The following FBXO42 variants were observed in gnomAD, a reference collection of about 807,000 sequenced individuals.
FBXO42 encodes F-box protein 42, also known as F-box only protein 42.
In FBXO42, 12 loss-of-function variants were observed where a neutral mutation model predicts 71.7. That is an observed-to-expected ratio of 0.17 (90% confidence interval 0.11 to 0.27). The LOEUF is 0.27. Among genes scored for constraint, FBXO42 ranks in the 10% least tolerant of loss-of-function variants. The pLI is 1.00. For missense variants in FBXO42, 707 were observed against 911.9 expected (o/e 0.78, Z 2.89); for synonymous variants, 325 against 327.5 (o/e 0.99, Z 0.08).
chr1:16,290,192 T>C (rs2082063536), intron 4 of FBXO42, among the ~76,000 whole-genome samples: 1 of 152,212 alleles, frequency 6.6e-6, no homozygotes, highest in Non-Finnish European at 1.5e-5. Context: ...GGAGCACTTC[T>C]ATCATTTTGA....
Position 16,347,267 on chromosome 1 carries a change from G to A in FBXO42, c.-18+4988C>T, listed in dbSNP as rs113884089. Among the ~76,000 whole-genome samples the A allele has an allele frequency of 3.9e-5, 6 of 152,126 alleles. 1 individual carries two copies. The highest frequency in any genetic ancestry group is 1.4e-4 in the African/African-American group (6 of 41,518). ...ACAGTAGCTCATGCCTGTAATCCTA[G>A]CACTTTGGGAGGCTGAGGCAGGTGG... On this transcript the variant is annotated intron_variant, in intron 1 of 9. Coordinates refer to ENST00000375592, the MANE Select transcript of FBXO42 (RefSeq NM_018994.3).
At chr1:16,309,057 CTTTTTTTTTTTT>C (rs58594138) in intron 2 of FBXO42, among the ~76,000 whole-genome samples, 1 of 38,748 alleles carries the variant, frequency 2.6e-5, no homozygotes, top group South Asian at 1.5e-3. Flanking sequence ...GACCCCATCT[CTTTTTTTTTTTT>C]TTTTTTTTTT....
chr1:16,319,804 G>A (rs1303390832), intron 1 of FBXO42, among the ~76,000 whole-genome samples: 3 of 151,884 alleles, frequency 2.0e-5, no homozygotes, highest in Admixed American at 6.6e-5. Context: ...CCAGCTACTC[G>A]GGAGGCTAAG....
At chr1:16,311,899 A>G (rs1434879725) in intron 2 of FBXO42, among the ~76,000 whole-genome samples, 8 of 152,178 alleles carry the variant, frequency 5.3e-5, no homozygotes, top group Non-Finnish European at 1.2e-4. Context: ...TTATGTCCAC[A>G]GAAACACCTG....
chr1:16,281,647 T>C (rs2100501476), intron 4 of FBXO42, among the ~76,000 whole-genome samples: 1 of 151,248 alleles, frequency 6.6e-6, no homozygotes, highest in East Asian at 1.9e-4. Context: ...TTTCTTTTTT[T>C]CTTTTTCTTT....
intron 4 of FBXO42, among the ~76,000 whole-genome samples, chr1:16,283,784 C>T (rs532836516): frequency 4.6e-5 from 7 of 151,992 alleles, no homozygotes; most frequent in South Asian, 2.1e-4. Flanking sequence ...TGTGAGCCAC[C>T]GTGCCTGGCC....
At chr1:16,337,620 C>T (rs765409158) in intron 1 of FBXO42, among the ~76,000 whole-genome samples, 29 of 151,992 alleles carry the variant, frequency 1.9e-4, no homozygotes, top group African/African-American at 4.3e-4. Context: ...CAGTGGCTCA[C>T]GCCTGTAATC....
intron 4 of FBXO42, among the ~76,000 whole-genome samples, chr1:16,274,812 G>T (rs570033002): frequency 6.6e-6 from 1 of 151,374 alleles, no homozygotes; most frequent in South Asian, 2.1e-4. Flanking sequence ...GGATTCTCTC[G>T]ATCTCCTGAT....
intron 5 of FBXO42, 24 bp downstream of exon 5, chr1:16,256,582 A>C: frequency 6.2e-7 from 1 of 1,609,310 alleles, no homozygotes; most frequent in Non-Finnish European, 8.5e-7. Context: ...TTCCAGATTT[A>C]AAGAGTTTAT....
chr1:16,276,154 G>T (rs2081900488), intron 4 of FBXO42, among the ~76,000 whole-genome samples: 1 of 151,946 alleles, frequency 6.6e-6, no homozygotes, highest in African/African-American at 2.4e-5. Context: ...GGCCGAGGTG[G>T]GTGGATCACG....
At chr1:16,328,628 C>T (rs1184060842) in intron 1 of FBXO42, among the ~76,000 whole-genome samples, 2 of 152,138 alleles carry the variant, frequency 1.3e-5, no homozygotes, top group African/African-American at 4.8e-5. Context: ...TACACACACA[C>T]ACATATATAC....
chr1:16,339,190 G>A (rs2082580396), intron 1 of FBXO42, among the ~76,000 whole-genome samples: 1 of 152,136 alleles, frequency 6.6e-6, no homozygotes. Context: ...CTCTAGAGCA[G>A]AGGAGAGGAC....
At chr1:16,351,481 T>C (rs2082702334) in intron 1 of FBXO42, among the ~76,000 whole-genome samples, 1 of 152,194 alleles carries the variant, frequency 6.6e-6, no homozygotes, top group South Asian at 2.1e-4. Flanking sequence ...TTTATTTTCC[T>C]AACAGAAATC....
chr1:16,276,618 A>G (rs927933929), intron 4 of FBXO42, among the ~76,000 whole-genome samples: 7 of 152,210 alleles, frequency 4.6e-5, no homozygotes, highest in Admixed American at 4.6e-4. Flanking sequence ...TCTTATAACT[A>G]CATTTAGGAC....
chr1:16,253,207 T>C (rs1284511555), intron 7 of FBXO42, 55 bp from the exon 8 acceptor site: 24 of 1,524,828 alleles, frequency 1.6e-5, no homozygotes, highest in Non-Finnish European at 2.1e-5. Context: ...TTTCTGACTT[T>C]CTATGCTTCA....
intron 4 of FBXO42, among the ~76,000 whole-genome samples, chr1:16,288,683 C>T (rs1040877403): frequency 4.6e-5 from 7 of 152,028 alleles, no homozygotes; most frequent in African/African-American, 1.7e-4. Flanking sequence ...CTTGGCCGGG[C>T]GCAGTGGCTC....
intron 3 of FBXO42, among the ~76,000 whole-genome samples, chr1:16,301,676 A>AC (rs2082196282): frequency 7.2e-6 from 1 of 139,194 alleles, no homozygotes; most frequent in South Asian, 2.2e-4. Context: ...ATCTCAAAAA[A>AC]AAAAAAACAA....
intron 1 of FBXO42, among the ~76,000 whole-genome samples, chr1:16,350,796 A>AGAAAGAAAGAAAGAAAGAAAGAAAG (rs59531912): frequency 6.6e-6 from 1 of 151,320 alleles, no homozygotes; most frequent in Admixed American, 6.6e-5. Flanking sequence ...AAAGAAAGAA[A>AGAAAGAAAGAAAGAAAGAAAGAAAG]ATGGTCAAAT....
intron 1 of FBXO42, among the ~76,000 whole-genome samples, chr1:16,320,114 C>T (rs1038740120): frequency 6.6e-6 from 1 of 151,916 alleles, no homozygotes; most frequent in African/African-American, 2.4e-5. Context: ...AATCCCAGCA[C>T]TCTGGAAGGC....
Sources: gnomAD v4.1 joint callset for allele counts (sites outside exome capture counted in the v4.1 genomes callset) on GRCh38, gnomAD v4.1.1 for gene constraint, MANE v1.5 for transcripts, NCBI Gene and HGNC (gene_info 2026-07-23, HGNC 2026-07-21) for gene names.